UNC5C: variants seen among roughly 807,000 people sequenced by gnomAD.
UNC5C encodes the protein unc-5 netrin receptor C.
UNC5C carries 47 observed loss-of-function variants against 99.8 expected under a neutral mutation model. The observed-to-expected ratio is 0.47, with a 90% CI of 0.37 to 0.60. The LOEUF (loss-of-function observed/expected upper bound fraction) is 0.60. Ranked by LOEUF, UNC5C falls within the 20% of genes least tolerant of loss-of-function variation. The pLI, the probability that UNC5C is intolerant of heterozygous loss-of-function variation, is 0.00. For missense variants in UNC5C, 1,062 were observed against 1,165.9 expected (o/e 0.91, Z 1.30); for synonymous variants, 487 against 452.2 (o/e 1.08, Z -0.98).
intron 2 of UNC5C, among the ~76,000 whole-genome samples, chr4:95,334,248 T>G (rs1743240812): frequency 6.6e-6 from 1 of 152,000 alleles, no homozygotes; most frequent in Non-Finnish European, 1.5e-5. Flanking sequence ...AAGTAGAAAG[T>G]AGAGCCCTCA....
intron 1 of UNC5C, among the ~76,000 whole-genome samples, chr4:95,509,540 A>G (rs1385468189): frequency 1.3e-5 from 2 of 151,926 alleles, no homozygotes; most frequent in Admixed American, 6.6e-5. Context: ...ATTCTTTTAC[A>G]TAACTGATTA....
intron 1 of UNC5C, among the ~76,000 whole-genome samples, chr4:95,457,301 T>C (rs1200950682): frequency 6.6e-6 from 1 of 152,100 alleles, no homozygotes; most frequent in Non-Finnish European, 1.5e-5. Context: ...ATTTTTCATA[T>C]AGGGTACAGA....
intron 1 of UNC5C, among the ~76,000 whole-genome samples, chr4:95,481,945 A>G (rs1721170032): frequency 1.3e-5 from 2 of 152,234 alleles, no homozygotes; most frequent in South Asian, 4.1e-4. Context: ...GGACATAGGC[A>G]TGGGCAAGGA....
At chr4:95,429,152 T>C (rs1172375839) in intron 1 of UNC5C, among the ~76,000 whole-genome samples, 2 of 152,084 alleles carry the variant, frequency 1.3e-5, no homozygotes, top group Non-Finnish European at 2.9e-5. Context: ...TCTAGTTCAT[T>C]AGGTAGCACT....
intron 12 of UNC5C, among the ~76,000 whole-genome samples, chr4:95,190,381 C>T (rs1411623254): frequency 6.6e-6 from 1 of 152,172 alleles, no homozygotes; most frequent in African/African-American, 2.4e-5. Flanking sequence ...AGGAGATATA[C>T]CTAATGTAAA....
chr4:95,227,959 AG>A (rs923366273), intron 7 of UNC5C, among the ~76,000 whole-genome samples: 1 of 152,190 alleles, frequency 6.6e-6, no homozygotes, highest in Non-Finnish European at 1.5e-5. Flanking sequence ...ACTAGAGGTG[AG>A]GTTGCCCGAA....
intron 1 of UNC5C, among the ~76,000 whole-genome samples, chr4:95,465,224 T>A (rs1747736247): frequency 6.6e-6 from 1 of 152,172 alleles, no homozygotes; most frequent in Middle Eastern, 3.4e-3. Context: ...AGCAGATGAG[T>A]TATTTTGAAG....
At chr4:95,491,182 A>AAGTAAGAAAATGTGAACAT (rs1721481331) in intron 1 of UNC5C, among the ~76,000 whole-genome samples, 1 of 151,684 alleles carries the variant, frequency 6.6e-6, no homozygotes, top group African/African-American at 2.4e-5. Context: ...TGCATGACAC[A>AAGTAAGAAAATGTGAACAT]AGTAAGAAAA....
At chr4:95,413,915 A>C (rs1371355781) in intron 1 of UNC5C, among the ~76,000 whole-genome samples, 1 of 152,186 alleles carries the variant, frequency 6.6e-6, no homozygotes, top group Non-Finnish European at 1.5e-5. Flanking sequence ...ACAGCCTGCA[A>C]ATGGGAAGGT....
chr4:95,306,969 A>G (rs1187812689), intron 2 of UNC5C, among the ~76,000 whole-genome samples: 4 of 152,220 alleles, frequency 2.6e-5, no homozygotes, highest in Non-Finnish European at 5.9e-5. Flanking sequence ...TTTTACTAGT[A>G]TTATTTAAAA....
intron 1 of UNC5C, among the ~76,000 whole-genome samples, chr4:95,375,255 G>A (rs573563447): frequency 5.3e-5 from 8 of 152,222 alleles, no homozygotes; most frequent in African/African-American, 1.4e-4. Flanking sequence ...AATTGGTTAT[G>A]AAGAACATAA....
intron 1 of UNC5C, among the ~76,000 whole-genome samples, chr4:95,430,209 A>T (rs532756995): frequency 6.6e-6 from 1 of 152,082 alleles, no homozygotes; most frequent in Non-Finnish European, 1.5e-5. Context: ...TAAGAAATGT[A>T]CCACTCTGGT....
At chr4:95,274,310 G>T (rs1375118647) in intron 4 of UNC5C, among the ~76,000 whole-genome samples, 2 of 152,112 alleles carry the variant, frequency 1.3e-5, no homozygotes, top group Non-Finnish European at 2.9e-5. Flanking sequence ...GGGATTTCTG[G>T]ATACCCTGTG....
chr4:95,380,939 A>C (rs575460680), intron 1 of UNC5C, among the ~76,000 whole-genome samples: 1 of 152,184 alleles, frequency 6.6e-6, no homozygotes, highest in African/African-American at 2.4e-5. Context: ...CAATTTTACC[A>C]TACCAATTTA....
At chr4:95,513,579 GAC>G (rs1166322350) in intron 1 of UNC5C, among the ~76,000 whole-genome samples, 1 of 151,898 alleles carries the variant, frequency 6.6e-6, no homozygotes, top group Non-Finnish European at 1.5e-5. Flanking sequence ...ATATTATCAA[GAC>G]ACATGAAGAC....
chr4:95,301,374 T>C (rs967879548), intron 3 of UNC5C, among the ~76,000 whole-genome samples: 3 of 152,058 alleles, frequency 2.0e-5, no homozygotes, highest in African/African-American at 7.2e-5. Context: ...TTTTTGTATT[T>C]TTAGTAGAAA....
In UNC5C at chr4:95,348,403, C is replaced by T. The variant is rs374155731; in HGVS notation, c.125-12772G>A. Among the ~76,000 whole-genome samples, 282 of 151,638 alleles carry T rather than the reference C, an allele frequency of 1.9e-3. 2 individuals carry two copies. The highest frequency in any genetic ancestry group is 6.2e-3 in the African/African-American group (255 of 41,414). On this transcript the variant is annotated intron_variant, in intron 1 of 15. Transcript: ENST00000453304. Reference sequence around the variant, plus strand: ...GAACTACCATGCAATCAAGCAATCCCACTGCTAAGTATACCCAAAAGAAAG... The same window carrying T: ...GAACTACCATGCAATCAAGCAATCCTACTGCTAAGTATACCCAAAAGAAAG...
intron 2 of UNC5C, among the ~76,000 whole-genome samples, chr4:95,314,001 G>A (rs1173629551): frequency 2.0e-5 from 3 of 152,118 alleles, no homozygotes; most frequent in South Asian, 2.1e-4. Flanking sequence ...GAAAAGGAAC[G>A]AAATAACAGT....
intron 1 of UNC5C, among the ~76,000 whole-genome samples, chr4:95,381,816 T>C: frequency 6.6e-6 from 1 of 152,146 alleles, no homozygotes; most frequent in East Asian, 1.9e-4. Context: ...TTGTGGTTAT[T>C]GGGATATTGA....
Sources: gnomAD v4.1 joint callset for allele counts (sites outside exome capture counted in the v4.1 genomes callset) on GRCh38, gnomAD v4.1.1 for gene constraint, MANE v1.5 for transcripts, NCBI Gene and HGNC (gene_info 2026-07-23, HGNC 2026-07-21) for gene names.